Variants in GLIS3 observed in about 807,000 individuals in gnomAD.
GLIS3 encodes the protein zinc finger protein GLIS3.
In GLIS3, 53 loss-of-function variants were observed where a neutral mutation model predicts 78.6. That is an observed-to-expected ratio of 0.67 (90% CI 0.54 to 0.85). The LOEUF (loss-of-function observed/expected upper bound fraction) is 0.85, where lower values mean the gene tolerates loss of function less well. Among genes scored for constraint, GLIS3 ranks in the 40% least tolerant of loss-of-function variants. GLIS3 has a pLI of 0.00. For synonymous variants in GLIS3, 684 were observed against 509.9 expected, an observed-to-expected ratio of 1.34 and a Z score of -4.60; for missense variants, 1,703 against 1,231.1, an observed-to-expected ratio of 1.38 and a Z score of -5.74.
intron 2 of GLIS3, among the ~76,000 whole-genome samples, chr9:4,249,468 T>G (rs915016351): frequency 6.6e-6 from 1 of 152,230 alleles, no homozygotes; most frequent in African/African-American, 2.4e-5. Flanking sequence ...ACATTGATTT[T>G]GTATCCCTAG....
intron 6 of GLIS3, among the ~76,000 whole-genome samples, chr9:3,910,928 A>G (rs1411659167): frequency 6.6e-6 from 1 of 152,194 alleles, no homozygotes; most frequent in Non-Finnish European, 1.5e-5. Flanking sequence ...CTCAATACAG[A>G]AGCTCAATGG....
At chr9:4,065,807 T>C (rs1827047688) in intron 4 of GLIS3, among the ~76,000 whole-genome samples, 1 of 152,168 alleles carries the variant, frequency 6.6e-6, no homozygotes, top group East Asian at 1.9e-4. Flanking sequence ...GGTTAAAGCA[T>C]ACAGTATATT....
In GLIS3 at chr9:4,229,892, A is replaced by T. The variant is rs530862302; in HGVS notation, c.388+56146T>A. 1.7e-4 allele frequency among the ~76,000 whole-genome samples: 26 copies of T among 152,338 alleles called. No homozygotes were observed. In the South Asian group the frequency reaches 5.2e-3, roughly 30 times the overall value. On this transcript the variant is annotated intron_variant, in intron 2 of 10. Coordinates refer to ENST00000381971, the MANE Select transcript of GLIS3 (RefSeq NM_001042413.2). ...TTAATATTATTCTCCCTAGCTTGGA[A>T]TAACACTGATATTTACACTGAAGGT...
intron 4 of GLIS3, among the ~76,000 whole-genome samples, chr9:4,029,985 C>T (rs1272060647): frequency 1.3e-5 from 2 of 152,110 alleles, no homozygotes; most frequent in Non-Finnish European, 2.9e-5. Flanking sequence ...CTGGATCTTA[C>T]GGTGGCTCAA....
chr9:4,298,245 C>T (rs1349980598), intron 1 of GLIS3: 3 of 308,154 alleles, frequency 9.7e-6, no homozygotes, highest in Non-Finnish European at 1.3e-5. Context: ...CCCCCCACGC[C>T]GGCCCCCCGG....
chr9:4,214,281 T>C (rs940625161), intron 2 of GLIS3, among the ~76,000 whole-genome samples: 2 of 152,212 alleles, frequency 1.3e-5, no homozygotes, highest in African/African-American at 4.8e-5. Flanking sequence ...AATTGACCCA[T>C]ATTCTGTTTC....
intron 6 of GLIS3, among the ~76,000 whole-genome samples, chr9:3,913,981 T>C (rs1455201543): frequency 1.3e-5 from 2 of 152,242 alleles, no homozygotes; most frequent in East Asian, 3.9e-4. Flanking sequence ...ACCTTTGGGG[T>C]AGGCCCCAAA....
chr9:4,246,392 G>C (rs1486564398), intron 2 of GLIS3, among the ~76,000 whole-genome samples: 1 of 152,208 alleles, frequency 6.6e-6, no homozygotes. Context: ...ATATTCCCAA[G>C]AATGTAGACA....
intron 1 of GLIS3, among the ~76,000 whole-genome samples, chr9:4,296,378 G>A (rs1816509018): frequency 6.6e-6 from 1 of 151,838 alleles, no homozygotes; most frequent in South Asian, 2.1e-4. Flanking sequence ...AATGAAGGCA[G>A]GGCTAATACA....
chr9:4,387,362 C>T, the GLIS3 span, among the ~76,000 whole-genome samples: 6 of 152,200 alleles, frequency 3.9e-5, no homozygotes, highest in African/African-American at 1.2e-4. Context: ...CCAAAACTTA[C>T]GGCCTTAGTG....
Position 3,825,711 on chromosome 9 carries a change from C to G in GLIS3, c.*2561G>C, listed in dbSNP as rs569240363. On this transcript the variant is annotated 3_prime_UTR_variant, in exon 11 of 11. Transcript: ENST00000381971. The stretch of plus-strand genomic sequence containing the variant: ...AAATTTTAAGGTCAGGAAAGACTCT[C>G]GAATCTAAGCATAGTGTGTGTAGTC... The G allele has an allele frequency of 1.3e-5, 2 of 152,152 alleles. No individual in the cohort carries two copies. Among genetic ancestry groups the G allele is most frequent in the African/African-American group, 4.8e-5 (2 of 41,416 alleles). The allele number at this position is 152,152 out of a possible 1,614,324, so 9.4% of individuals were successfully genotyped here.
At chr9:4,162,768 A>C (rs1835587069) in intron 2 of GLIS3, among the ~76,000 whole-genome samples, 1 of 151,386 alleles carries the variant, frequency 6.6e-6, no homozygotes, top group African/African-American at 2.4e-5. Context: ...GAGGCAGAAG[A>C]ATGGCCTGAA....
intron 2 of GLIS3, among the ~76,000 whole-genome samples, chr9:4,222,040 T>C (rs920709715): frequency 1.3e-5 from 2 of 152,220 alleles, no homozygotes; most frequent in Non-Finnish European, 2.9e-5. Flanking sequence ...AGTTGAAGTT[T>C]AGCCACAGAC....
chr9:3,856,404 G>A (rs1563780888), intron 8 of GLIS3, among the ~76,000 whole-genome samples: 1 of 152,112 alleles, frequency 6.6e-6, no homozygotes, highest in Non-Finnish European at 1.5e-5. Flanking sequence ...GAATAAACAA[G>A]TACAATAAAG....
the GLIS3 span, among the ~76,000 whole-genome samples, chr9:4,388,651 G>A: frequency 1.3e-5 from 2 of 152,016 alleles, no homozygotes; most frequent in African/African-American, 2.4e-5. Flanking sequence ...ACTCCAGCTT[G>A]GGTGACAGAG....
the GLIS3 span, among the ~76,000 whole-genome samples, chr9:4,454,272 T>C: frequency 4.1e-3 from 630 of 151,958 alleles, 5 homozygotes; most frequent in African/African-American, 0.014. Context: ...TCCAAAGTAC[T>C]AGGATTACAG....
intron 4 of GLIS3, among the ~76,000 whole-genome samples, chr9:4,077,246 T>C (rs1451603419): frequency 1.3e-5 from 2 of 152,200 alleles, no homozygotes; most frequent in Non-Finnish European, 2.9e-5. Flanking sequence ...CAAAAATTTA[T>C]AAAGATAAAT....
the GLIS3 span, among the ~76,000 whole-genome samples, chr9:4,384,505 T>TC: frequency 1.3e-5 from 2 of 150,244 alleles, 1 homozygote; most frequent in African/African-American, 4.9e-5. Flanking sequence ...TCTCTTTCCC[T>TC]CCCTTCCTTC....
chr9:3,892,652 A>T (rs1453651311), intron 7 of GLIS3, among the ~76,000 whole-genome samples: 1 of 152,166 alleles, frequency 6.6e-6, no homozygotes, highest in Non-Finnish European at 1.5e-5. Flanking sequence ...CTGTGGCTAC[A>T]AACACCCTGA....
Sources: allele counts gnomAD v4.1 joint callset (sites outside exome capture counted in the v4.1 genomes callset), GRCh38; gene constraint gnomAD v4.1.1; transcripts MANE v1.5; gene names NCBI Gene and HGNC (gene_info 2026-07-23, HGNC 2026-07-21).